The following PITPNC1 variants were observed in gnomAD, a reference collection of about 807,000 sequenced individuals.
PITPNC1 encodes the protein cytoplasmic phosphatidylinositol transfer protein 1.
Under a neutral mutation model 44.7 loss-of-function variants are expected in PITPNC1, and 18 were observed. The ratio of observed to expected loss-of-function variants is 0.40; its 90% CI spans 0.28 to 0.60. The LOEUF (loss-of-function observed/expected upper bound fraction) is 0.60. PITPNC1 is among the 20% of genes least tolerant of loss of function. The pLI is 0.39. For missense variants in PITPNC1, 290 were observed against 418.4 expected, an observed-to-expected ratio of 0.69 and a Z score of 2.68; for synonymous variants, 141 against 149.6, an observed-to-expected ratio of 0.94 and a Z score of 0.42.
intron 1 of PITPNC1, among the ~76,000 whole-genome samples, chr17:67,416,294 C>T (rs2038588835): frequency 7.1e-6 from 1 of 140,634 alleles, no homozygotes; most frequent in Non-Finnish European, 1.5e-5. Context: ...ACTGCAACCA[C>T]AACCTCCACC....
intron 7 of PITPNC1, among the ~76,000 whole-genome samples, chr17:67,674,146 A>G (rs1340759635): frequency 6.6e-6 from 1 of 152,114 alleles, no homozygotes; most frequent in Non-Finnish European, 1.5e-5. Context: ...CCCCTCCAGC[A>G]TTTATCCTTT....
chr17:67,519,718 C>T (rs1302522741), intron 1 of PITPNC1, among the ~76,000 whole-genome samples: 1 of 152,186 alleles, frequency 6.6e-6, no homozygotes, highest in Admixed American at 6.5e-5. Flanking sequence ...ATCCATGCCT[C>T]TGGAACCTGG....
intron 4 of PITPNC1, among the ~76,000 whole-genome samples, chr17:67,560,711 C>G (rs2040896077): frequency 6.6e-6 from 1 of 152,168 alleles, no homozygotes; most frequent in Non-Finnish European, 1.5e-5. Flanking sequence ...TCAGATTATC[C>G]CGTTTCCACT....
chr17:67,568,372 T>C (rs1269138153), intron 4 of PITPNC1, among the ~76,000 whole-genome samples: 1 of 152,182 alleles, frequency 6.6e-6, no homozygotes, highest in Non-Finnish European at 1.5e-5. Context: ...TGACTGCTGA[T>C]GGATACAGGG....
chr17:67,592,378 T>A (rs1598861228), intron 5 of PITPNC1, among the ~76,000 whole-genome samples: 2 of 152,296 alleles, frequency 1.3e-5, no homozygotes, highest in South Asian at 4.1e-4. Flanking sequence ...TTATAAATAC[T>A]CCATGTGCAT....
intron 1 of PITPNC1, among the ~76,000 whole-genome samples, chr17:67,443,796 GGCTAATTTTT>G (rs1481120579): frequency 6.6e-6 from 1 of 151,762 alleles, no homozygotes; most frequent in Admixed American, 6.6e-5. Context: ...CACCACGCCT[GGCTAATTTTT>G]GTATTTCTAG....
chr17:67,631,934 T>C (rs2144333218), intron 5 of PITPNC1, among the ~76,000 whole-genome samples: 1 of 151,428 alleles, frequency 6.6e-6, no homozygotes, highest in African/African-American at 2.4e-5. Context: ...CAAGCAGTGA[T>C]TGATGCTACA....
chr17:67,549,348 G>A (rs1157686525), intron 2 of PITPNC1, among the ~76,000 whole-genome samples: 1 of 152,186 alleles, frequency 6.6e-6, no homozygotes, highest in Non-Finnish European at 1.5e-5. Context: ...CTGCACTCTC[G>A]TGTGGGGATA....
At chr17:67,539,141 C>T (rs542819922) in intron 2 of PITPNC1, among the ~76,000 whole-genome samples, 6 of 151,948 alleles carry the variant, frequency 3.9e-5, no homozygotes, top group South Asian at 2.1e-4. Flanking sequence ...ATCAGATAGA[C>T]AAAAATTTTA....
intron 6 of PITPNC1, among the ~76,000 whole-genome samples, chr17:67,658,867 A>G (rs927669303): frequency 6.6e-6 from 1 of 152,098 alleles, no homozygotes; most frequent in Non-Finnish European, 1.5e-5. Context: ...GGTCAACTGC[A>G]GGGGGGAAGC....
At chr17:67,566,214 T>C (rs1178501143) in intron 4 of PITPNC1, among the ~76,000 whole-genome samples, 1 of 152,188 alleles carries the variant, frequency 6.6e-6, no homozygotes, top group African/African-American at 2.4e-5. Flanking sequence ...GTTTGTTTGT[T>C]GTTTTTTGAT....
chr17:67,440,498 T>TTTTATTTA (rs59003947), intron 1 of PITPNC1, among the ~76,000 whole-genome samples: 204 of 137,636 alleles, frequency 1.5e-3, no homozygotes, highest in East Asian at 5.4e-3. Context: ...TTGCAAGACT[T>TTTTATTTA]TTTATTTATT....
intron 1 of PITPNC1, among the ~76,000 whole-genome samples, chr17:67,491,975 A>C (rs2039870666): frequency 6.6e-6 from 1 of 152,064 alleles, no homozygotes; most frequent in Admixed American, 6.6e-5. Flanking sequence ...AAATGCCAGC[A>C]ATCACGAGCG....
At chr17:67,417,641 T>C (rs1272297312) in intron 1 of PITPNC1, among the ~76,000 whole-genome samples, 1 of 152,202 alleles carries the variant, frequency 6.6e-6, no homozygotes, top group Non-Finnish European at 1.5e-5. Context: ...CATATTTATA[T>C]TTGCACAGCT....
chr17:67,680,583 AG>A (rs1338672862), intron 8 of PITPNC1, among the ~76,000 whole-genome samples: 1 of 145,772 alleles, frequency 6.9e-6, no homozygotes. Flanking sequence ...CTGGGCAACA[AG>A]AGTGAAACTC....
intron 1 of PITPNC1, among the ~76,000 whole-genome samples, chr17:67,494,185 T>TTTCCTTTCTTTCTTTCTTTCTTTCTTTC (rs2039904517): frequency 9.8e-6 from 1 of 102,428 alleles, no homozygotes; most frequent in African/African-American, 3.8e-5. Flanking sequence ...CTTTCTTTCT[T>TTTCCTTTCTTTCTTTCTTTCTTTCTTTC]TTTCTTTCTT....
chr17:67,539,449 G>A (rs958087219), intron 2 of PITPNC1, among the ~76,000 whole-genome samples: 1 of 152,156 alleles, frequency 6.6e-6, no homozygotes, highest in African/African-American at 2.4e-5. Context: ...GCACATTCAC[G>A]TAATGGAAAA....
At chr17:67,661,952 G>A (rs781668120) in intron 6 of PITPNC1, among the ~76,000 whole-genome samples, 1 of 151,338 alleles carries the variant, frequency 6.6e-6, no homozygotes, top group African/African-American at 2.4e-5. Flanking sequence ...CCAAGATCAC[G>A]CCACTGCACT....
intron 1 of PITPNC1, among the ~76,000 whole-genome samples, chr17:67,482,645 A>C (rs117661063): frequency 0.011 from 1,739 of 152,328 alleles, 27 homozygotes; most frequent in South Asian, 0.06. Flanking sequence ...CATGAGATGC[A>C]ACAAAATGTT....
Sources: gnomAD v4.1 joint callset for allele counts (sites outside exome capture counted in the v4.1 genomes callset) on GRCh38, gnomAD v4.1.1 for gene constraint, MANE v1.5 for transcripts, NCBI Gene and HGNC (gene_info 2026-07-23, HGNC 2026-07-21) for gene names.